The following SPAG16 variants were observed in gnomAD, a reference collection of about 807,000 sequenced individuals.
SPAG16 encodes the protein sperm-associated antigen 16 protein.
SPAG16 carries 86 observed loss-of-function variants against 80.4 expected under a neutral mutation model. The observed-to-expected ratio is 1.07, with a 90% CI of 0.90 to 1.28. SPAG16 has a LOEUF of 1.28. Among genes scored for constraint, SPAG16 ranks in the 50% most tolerant of loss-of-function variants. The probability of loss-of-function intolerance (pLI) is 0.00; values close to 1 mark genes in which losing one functional copy is unlikely to be tolerated. For synonymous variants in SPAG16, 294 were observed against 265.9 expected (o/e 1.11, Z -1.03); for missense variants, 870 against 765.3 (o/e 1.14, Z -1.61).
In SPAG16 at chr2:213,364,101, A is replaced by C; in HGVS notation, c.788A>C (p.Lys263Thr). The C allele has an allele frequency of 6.6e-7, 1 of 1,524,104 alleles. No homozygotes were observed. The highest frequency in any genetic ancestry group is 8.8e-7 in the Non-Finnish European group (1 of 1,138,914). The allele number at this position is 1,524,104 out of a possible 1,614,324, so 94.4% of individuals were successfully genotyped here. A position where few individuals can be genotyped will look rare whatever the true frequency, so the allele number is the denominator to read the frequency against. Reference sequence around the variant, plus strand: ...ATTTCTGGACTTCAAGAAACATTGAAGAAACTGCAAAGAGGACATAGTTAC... The same window carrying C: ...ATTTCTGGACTTCAAGAAACATTGACGAAACTGCAAAGAGGACATAGTTAC... The part of the protein sequence containing the change: ...GQISGLQETL[K>T]KLQRGHSYHG... Residue 263 changes from lysine to threonine, a missense_variant, in exon 8 of 16, where the codon AAG becomes ACG. Coordinates refer to ENST00000331683, the MANE Select transcript of SPAG16 (RefSeq NM_024532.5).
chr2:214,214,945 C>A (rs901056901), intron 15 of SPAG16, among the ~76,000 whole-genome samples: 1 of 151,564 alleles, frequency 6.6e-6, no homozygotes, highest in South Asian at 2.1e-4. Flanking sequence ...AGGTTCATTA[C>A]ATTTATGGCA....
chr2:213,335,781 T>C (rs2064327295), intron 5 of SPAG16, among the ~76,000 whole-genome samples: 2 of 152,140 alleles, frequency 1.3e-5, no homozygotes, highest in African/African-American at 4.8e-5. Flanking sequence ...GTGAGTCACC[T>C]GAACATTGTT....
At chr2:213,347,339 C>T (rs1427685064) in intron 6 of SPAG16, among the ~76,000 whole-genome samples, 2 of 152,078 alleles carry the variant, frequency 1.3e-5, no homozygotes, top group Non-Finnish European at 2.9e-5. Flanking sequence ...AAAATCAGCT[C>T]CTGGATTCAT....
At chr2:213,612,938 G>T (rs2061484874) in intron 10 of SPAG16, among the ~76,000 whole-genome samples, 1 of 152,238 alleles carries the variant, frequency 6.6e-6, no homozygotes, top group South Asian at 2.1e-4. Flanking sequence ...CTCCCAAAGT[G>T]CTGGGATTAC....
intron 10 of SPAG16, among the ~76,000 whole-genome samples, chr2:213,627,817 CTT>C (rs901752640): frequency 9.2e-5 from 14 of 152,336 alleles, no homozygotes; most frequent in African/African-American, 1.9e-4. Flanking sequence ...AATTGCATCT[CTT>C]GTGTTTACAT....
At chr2:213,846,304 A>G (rs1382162669) in intron 10 of SPAG16, among the ~76,000 whole-genome samples, 1 of 152,038 alleles carries the variant, frequency 6.6e-6, no homozygotes, top group Non-Finnish European at 1.5e-5. Flanking sequence ...TATAAATTAT[A>G]TATAATGTAG....
chr2:213,718,246 A>T (rs1024741576), intron 10 of SPAG16, among the ~76,000 whole-genome samples: 4 of 152,170 alleles, frequency 2.6e-5, no homozygotes, highest in Non-Finnish European at 5.9e-5. Flanking sequence ...CAATAAACAA[A>T]TGAAAAAAGC....
chr2:213,890,045 G>A (rs903424839), intron 11 of SPAG16, among the ~76,000 whole-genome samples: 5 of 151,958 alleles, frequency 3.3e-5, no homozygotes, highest in Admixed American at 6.6e-5. Flanking sequence ...AATTTCCCTT[G>A]TAGTTACCTT....
Position 213,708,285 on chromosome 2 carries a change from C to G in SPAG16, c.1071-154200C>G, listed in dbSNP as rs560373320. On this transcript the variant is annotated intron_variant, in intron 10 of 15. Transcript: ENST00000331683. ...TCATTTTCCCCTTCTAACATGCCAC[C>G]TAAAATAACCAGATCACTATTGACA... 9.0e-4 allele frequency among the ~76,000 whole-genome samples: 137 copies of G among 152,296 alleles called. 1 individual carries two copies. The highest frequency in any genetic ancestry group is 1.4e-3 in the Non-Finnish European group (93 of 68,026).
chr2:214,165,686 CTT>C (rs1418462421), intron 15 of SPAG16, among the ~76,000 whole-genome samples: 1 of 146,506 alleles, frequency 6.8e-6, no homozygotes, highest in African/African-American at 2.5e-5. Flanking sequence ...ATAAGAAAGA[CTT>C]GACCTGGCTT....
In SPAG16 at chr2:214,363,194, T is replaced by C. The variant is rs542522945; in HGVS notation, c.1721-46946T>C. Among the ~76,000 whole-genome samples, 7 of 152,084 alleles carry C rather than the reference T, an allele frequency of 4.6e-5. No homozygotes were observed. In the South Asian group the frequency reaches 1.5e-3, roughly 32 times the overall value. On this transcript the variant is annotated intron_variant, in intron 15 of 15. Transcript: ENST00000331683. ...TTCACTTTCCTTATAGTTCTAAAGC[T>C]TCTTGAGCTAGAAGTCTCGATGTAC...
rs542149322 is a variant in SPAG16 at position 214,399,310 on chromosome 2, T to C, written c.1721-10830T>C. Among the ~76,000 whole-genome samples the C allele has an allele frequency of 4.6e-5, 7 of 152,280 alleles. 1 individual carries two copies. Among genetic ancestry groups the C allele is most frequent in the African/African-American group, 1.7e-4 (7 of 41,586 alleles). On this transcript the variant is annotated intron_variant, in intron 15 of 15. Coordinates refer to ENST00000331683, the MANE Select transcript of SPAG16 (RefSeq NM_024532.5). Reference sequence around the variant, plus strand: ...TCTCAATTATAATTCTTTTATCACATATTTGCATATCTTTTTTTTACTATA... The same window carrying C: ...TCTCAATTATAATTCTTTTATCACACATTTGCATATCTTTTTTTTACTATA...
At chr2:213,536,074 G>A (rs977731961) in intron 10 of SPAG16, among the ~76,000 whole-genome samples, 2 of 152,092 alleles carry the variant, frequency 1.3e-5, no homozygotes, top group Non-Finnish European at 2.9e-5. Context: ...TAAGGTTTGT[G>A]TATTGGATTT....
At position 213,310,363 on chromosome 2, in the gene SPAG16, CACACACACACAA is replaced by C. The variant is rs1428428828; in HGVS notation, c.398+188_398+199del. 1.8e-4 allele frequency among the ~76,000 whole-genome samples: 15 copies of C among 82,478 alleles called. No homozygotes were observed. The Admixed American group carries it at 2.0e-3, about 11-fold the overall frequency. 54.1% of individuals were successfully genotyped at this position (82,478 alleles called of 152,430 possible). ...ACACACACACACACACACACACACACACACACACACAAATCAGAATAGCAGTTACAAAGACAT... is the reference window on the plus strand; with the variant it reads ...ACACACACACACACACACACACACACATCAGAATAGCAGTTACAAAGACAT... On this transcript the variant is annotated intron_variant, in intron 4 of 15. Transcript: ENST00000331683.
rs181148088 is a variant in SPAG16 at position 214,085,203 on chromosome 2, G to C, written c.1528-22993G>C. Among the ~76,000 whole-genome samples the C allele has an allele frequency of 1.9e-3, 289 of 152,096 alleles. 1 individual carries two copies. The highest frequency in any genetic ancestry group is 2.0e-3 in the Non-Finnish European group (136 of 67,956). Reference sequence around the variant, plus strand: ...GCAAAAGAAAGTAGGACGAACAAGAGTGAGTCAAAAGACTTATAATTAGCC... The same window carrying C: ...GCAAAAGAAAGTAGGACGAACAAGACTGAGTCAAAAGACTTATAATTAGCC... On this transcript the variant is annotated intron_variant, in intron 13 of 15. Coordinates refer to ENST00000331683, the MANE Select transcript of SPAG16 (RefSeq NM_024532.5).
At chr2:213,558,299 G>T (rs2059493075) in intron 10 of SPAG16, among the ~76,000 whole-genome samples, 1 of 152,004 alleles carries the variant, frequency 6.6e-6, no homozygotes. Flanking sequence ...TTAAGCTTAA[G>T]ATGTCTTTTG....
chr2:214,321,103 C>G (rs962523158), intron 15 of SPAG16, among the ~76,000 whole-genome samples: 1 of 152,078 alleles, frequency 6.6e-6, no homozygotes, highest in African/African-American at 2.4e-5. Flanking sequence ...ATTTTATGCT[C>G]CCTTTTTCTT....
At chr2:213,914,357 C>G (rs1206442334) in intron 11 of SPAG16, among the ~76,000 whole-genome samples, 3 of 152,040 alleles carry the variant, frequency 2.0e-5, no homozygotes, top group Non-Finnish European at 4.4e-5. Flanking sequence ...TTTGTGGCAC[C>G]TGGCTCAATA....
chr2:213,429,763 T>G (rs1000933358), intron 9 of SPAG16, among the ~76,000 whole-genome samples: 1 of 152,164 alleles, frequency 6.6e-6, no homozygotes, highest in South Asian at 2.1e-4. Flanking sequence ...TCTTTGCCGT[T>G]GAACACACCT....
Sources: gnomAD v4.1 joint callset for allele counts (sites outside exome capture counted in the v4.1 genomes callset) on GRCh38, gnomAD v4.1.1 for gene constraint, MANE v1.5 for transcripts, NCBI Gene and HGNC (gene_info 2026-07-23, HGNC 2026-07-21) for gene names.